SH3D19: variants seen among roughly 807,000 people sequenced by gnomAD.
The protein encoded by SH3D19 is SH3 domain-containing protein 19.
SH3D19 carries 58 observed loss-of-function variants against 112.1 expected under a neutral mutation model. The observed-to-expected ratio is 0.52, with a 90% confidence interval of 0.42 to 0.64. SH3D19 has a LOEUF of 0.64. SH3D19 is among the 30% of genes least tolerant of loss of function. The pLI, the probability that SH3D19 is intolerant of heterozygous loss-of-function variation, is 0.00. For missense variants in SH3D19, 1,090 were observed against 1,263.4 expected, an observed-to-expected ratio of 0.86 and a Z score of 2.08; for synonymous variants, 391 against 448.5, an observed-to-expected ratio of 0.87 and a Z score of 1.62.
intron 1 of SH3D19, among the ~76,000 whole-genome samples, chr4:151,318,047 C>A (rs1292645661): frequency 6.6e-6 from 1 of 150,392 alleles, no homozygotes; most frequent in African/African-American, 2.4e-5. Flanking sequence ...CCTGTAATCC[C>A]AGCACTTTGG....
In SH3D19 at chr4:151,173,153, C is replaced by T. The variant is rs146727145; in HGVS notation, c.1534+1517G>A. On this transcript the variant is annotated intron_variant, in intron 7 of 19. Transcript: ENST00000604030. ...TTCTCAGCAATTATTAGTTGAGTTG[C>T]CATCCCCATAGAAACTAGCAAGTTC... 2.4e-3 allele frequency among the ~76,000 whole-genome samples: 366 copies of T among 152,318 alleles called. 1 individual carries two copies. Among genetic ancestry groups the T allele is most frequent in the African/African-American group, 8.5e-3 (354 of 41,568 alleles).
chr4:151,283,224 C>A, intron 1 of SH3D19: 1 of 1,613,788 alleles, frequency 6.2e-7, no homozygotes, highest in Non-Finnish European at 8.5e-7. Flanking sequence ...AGCACTGGAG[C>A]CAGTCATCAA....
chr4:151,304,521 C>G (rs1728754578), intron 1 of SH3D19, among the ~76,000 whole-genome samples: 1 of 152,176 alleles, frequency 6.6e-6, no homozygotes, highest in African/African-American at 2.4e-5. Context: ...TGGTTTCTCC[C>G]TGGAGAAGAC....
chr4:151,169,618 A>G (rs1325823726), intron 7 of SH3D19, among the ~76,000 whole-genome samples: 2 of 152,170 alleles, frequency 1.3e-5, no homozygotes, highest in African/African-American at 2.4e-5. Flanking sequence ...ATTTTTTCCA[A>G]CATAAGTTAT....
intron 1 of SH3D19, among the ~76,000 whole-genome samples, chr4:151,300,862 A>C (rs748168444): frequency 1.3e-5 from 2 of 152,224 alleles, no homozygotes; most frequent in African/African-American, 4.8e-5. Context: ...GGAGACAAGT[A>C]GACAGAATCA....
chr4:151,165,779 AT>A, intron 7 of SH3D19, 83 bp from the exon 8 acceptor site: 3 of 1,186,034 alleles, frequency 2.5e-6, no homozygotes, highest in Non-Finnish European at 3.7e-6. Context: ...TAAGAGTCAT[AT>A]TTTTCATGCC....
At chr4:151,167,800 T>C (rs1378372064) in intron 7 of SH3D19, among the ~76,000 whole-genome samples, 1 of 144,514 alleles carries the variant, frequency 6.9e-6, no homozygotes, top group South Asian at 2.3e-4. Context: ...CGCCTCTGCC[T>C]GGCTGCCGCC....
intron 1 of SH3D19, among the ~76,000 whole-genome samples, chr4:151,304,673 A>C (rs927751025): frequency 6.6e-6 from 1 of 152,154 alleles, no homozygotes; most frequent in South Asian, 2.1e-4. Context: ...CTAACCAAAA[A>C]GGTTGGGAAG....
chr4:151,140,163 A>T (rs1752737736), intron 12 of SH3D19: 2 of 225,594 alleles, frequency 8.9e-6, no homozygotes, highest in Non-Finnish European at 1.7e-5. Flanking sequence ...ATTCTACCCC[A>T]AAGTAGTGGT....
chr4:151,165,067 G>A (rs1294702372), intron 8 of SH3D19, among the ~76,000 whole-genome samples: 1 of 152,088 alleles, frequency 6.6e-6, no homozygotes, highest in Non-Finnish European at 1.5e-5. Flanking sequence ...GTGTTAACAT[G>A]GGATATAACA....
At position 151,164,689 on chromosome 4, in the gene SH3D19, C is replaced by T. The variant is rs144850022; in HGVS notation, c.1642+900G>A. On this transcript the variant is annotated intron_variant, in intron 8 of 19. Coordinates refer to ENST00000604030, the MANE Select transcript of SH3D19 (RefSeq NM_001378122.1). ...CCGCCTCCCAGGTTCAAGTGATTCTCCTGCCTCAGCCTCCCAAGTAGTTGG... is the reference window on the plus strand; with the variant it reads ...CCGCCTCCCAGGTTCAAGTGATTCTTCTGCCTCAGCCTCCCAAGTAGTTGG... 6.5e-3 allele frequency among the ~76,000 whole-genome samples: 986 copies of T among 151,952 alleles called. 8 individuals are homozygous for T. Among genetic ancestry groups the T allele is most frequent in the African/African-American group, 0.023 (952 of 41,422 alleles).
intron 1 of SH3D19, among the ~76,000 whole-genome samples, chr4:151,291,801 C>T (rs1775357261): frequency 6.6e-6 from 1 of 152,138 alleles, no homozygotes; most frequent in Admixed American, 6.5e-5. Context: ...TAATAAGGGT[C>T]TACCTCGTGC....
Position 151,325,576 on chromosome 4 carries a change from T to G in SH3D19, c.-224A>C. ...CGGGCCGAGCCGATTCCCCGCCTCCTTGCGGCGTCCCGGCGGCCTCTTAAT... is the reference window on the plus strand; with the variant it reads ...CGGGCCGAGCCGATTCCCCGCCTCCGTGCGGCGTCCCGGCGGCCTCTTAAT... On this transcript the variant is annotated 5_prime_UTR_variant, in exon 1 of 20. Transcript: ENST00000604030. The G allele has an allele frequency of 3.7e-6, 1 of 271,656 alleles. No individual in the cohort carries two copies. Among genetic ancestry groups the G allele is most frequent in the East Asian group, 6.5e-5 (1 of 15,338 alleles). 16.8% of individuals were successfully genotyped at this position (271,656 alleles called of 1,614,324 possible). A position where few individuals can be genotyped will look rare whatever the true frequency, so the allele number is the denominator to read the frequency against.
At chr4:151,236,737 T>C (rs959081709) in intron 1 of SH3D19, among the ~76,000 whole-genome samples, 9 of 151,964 alleles carry the variant, frequency 5.9e-5, no homozygotes, top group Non-Finnish European at 1.3e-4. Flanking sequence ...GTCTAGCTAA[T>C]CAGGTGGGGA....
chr4:151,232,085 G>A (rs1769655496), intron 1 of SH3D19, among the ~76,000 whole-genome samples: 1 of 152,190 alleles, frequency 6.6e-6, no homozygotes, highest in African/African-American at 2.4e-5. Context: ...TCAGGATGCT[G>A]AGGCAGGAGA....
At chr4:151,207,332 G>A (rs1681735717) in intron 2 of SH3D19, among the ~76,000 whole-genome samples, 1 of 152,346 alleles carries the variant, frequency 6.6e-6, no homozygotes, top group East Asian at 1.9e-4. Flanking sequence ...AAGGCCACCA[G>A]GAAGTATCCT....
At chr4:151,282,696 T>A (rs1272204808) in intron 1 of SH3D19, among the ~76,000 whole-genome samples, 1 of 152,156 alleles carries the variant, frequency 6.6e-6, no homozygotes, top group Non-Finnish European at 1.5e-5. Flanking sequence ...TAAGACTGAT[T>A]TAAAGTTTGG....
chr4:151,122,030 G>T lies in SH3D19; in HGVS notation c.*61C>A. 1 of 807,494 alleles carries T rather than the reference G, an allele frequency of 1.2e-6. No individual in the cohort carries two copies. The highest frequency in any genetic ancestry group is 2.1e-6 in the Non-Finnish European group (1 of 475,286). 50.0% of individuals were successfully genotyped at this position (807,494 alleles called of 1,614,324 possible). A position where few individuals can be genotyped will look rare whatever the true frequency, so the allele number is the denominator to read the frequency against. On this transcript the variant is annotated 3_prime_UTR_variant, in exon 20 of 20. Coordinates refer to ENST00000604030, the MANE Select transcript of SH3D19 (RefSeq NM_001378122.1). ...AAAAAAATAGTGCAAAAACATATCT[G>T]ATAGTCAAGGTGATAGTTCAAGTGA...
intron 2 of SH3D19, among the ~76,000 whole-genome samples, chr4:151,221,416 A>G (rs1382782233): frequency 6.6e-6 from 1 of 152,232 alleles, no homozygotes; most frequent in Non-Finnish European, 1.5e-5. Flanking sequence ...AGCCCTGCTC[A>G]GCTGAGGATG....
Sources: gnomAD v4.1 joint callset for allele counts (sites outside exome capture counted in the v4.1 genomes callset) on GRCh38, gnomAD v4.1.1 for gene constraint, MANE v1.5 for transcripts, NCBI Gene and HGNC (gene_info 2026-07-23, HGNC 2026-07-21) for gene names.